The following DENND6B variants were observed in gnomAD, a reference collection of about 807,000 sequenced individuals.
The protein encoded by DENND6B is DENN domain containing 6B.
A neutral mutation model predicts 85.1 loss-of-function variants in DENND6B; 73 were observed. The ratio of observed to expected loss-of-function variants is 0.86; its 90% confidence interval spans 0.71 to 1.04. The LOEUF is 1.04. Among genes scored for constraint, DENND6B ranks in the 50% least tolerant of loss-of-function variants. The pLI, the probability that DENND6B is intolerant of heterozygous loss-of-function variation, is 0.00. For missense variants in DENND6B, 715 were observed against 785.8 expected (o/e 0.91, Z 1.08); for synonymous variants, 357 against 329.3 (o/e 1.08, Z -0.91).
chr22:50,322,660 T>C (rs2042082320), intron 1 of DENND6B, among the ~76,000 whole-genome samples: 1 of 151,732 alleles, frequency 6.6e-6, no homozygotes, highest in Non-Finnish European at 1.5e-5. Context: ...AGCGATTCTC[T>C]TGCCTCAGCC....
chr22:50,313,580 C>G (rs954067109), intron 15 of DENND6B, 55 bp downstream of exon 15: 1 of 1,447,754 alleles, frequency 6.9e-7, no homozygotes. Context: ...CCCCCCAACC[C>G]CATCCCCCCA....
At chr22:50,314,298 C>T in intron 12 of DENND6B, 26 bp from the exon 13 acceptor site, 1 of 1,605,416 alleles carries the variant, frequency 6.2e-7, no homozygotes, top group Non-Finnish European at 8.5e-7. Context: ...GGTGGCCAGG[C>T]CTCAGTGCCC....
intron 18 of DENND6B, 40 bp downstream of exon 18, chr22:50,312,483 C>T: frequency 6.3e-7 from 1 of 1,575,470 alleles, no homozygotes; most frequent in Non-Finnish European, 8.6e-7. Context: ...TGCCCACCCC[C>T]ACCATGTTCT....
Position 50,314,604 on chromosome 22 carries a change from C to CG in DENND6B, c.977dup (p.Pro327ThrfsTer36). 6.4e-7 allele frequency: 1 copy of CG among 1,560,312 alleles called. No individual in the cohort carries two copies. The highest frequency in any genetic ancestry group is 8.7e-7 in the Non-Finnish European group (1 of 1,152,610). On this transcript the variant is annotated frameshift_variant and splice_region_variant. Coordinates refer to ENST00000413817, the MANE Select transcript of DENND6B (RefSeq NM_001001794.4). LOFTEE classifies it high-confidence loss of function. ...AGAGGCGGGGCAGAGGCGGCACTTA[C>CG]GGGGCCTGCGTGCGTGTGGTGAACT...
At chr22:50,322,220 G>A (rs1054373662) in intron 1 of DENND6B, among the ~76,000 whole-genome samples, 2 of 151,880 alleles carry the variant, frequency 1.3e-5, no homozygotes, top group African/African-American at 4.8e-5. Context: ...GACTACAGGC[G>A]CCCGCCACCA....
chr22:50,324,916 C>A (rs117289563), intron 1 of DENND6B, among the ~76,000 whole-genome samples: 1 of 152,172 alleles, frequency 6.6e-6, no homozygotes, highest in Non-Finnish European at 1.5e-5. Flanking sequence ...CCTTCCATAT[C>A]GCAGAACCAA....
intron 1 of DENND6B, among the ~76,000 whole-genome samples, chr22:50,326,366 C>G (rs576904582): frequency 7.9e-4 from 121 of 152,300 alleles, no homozygotes; most frequent in Middle Eastern, 3.4e-3. Flanking sequence ...GTGGGGATGA[C>G]ATCAGTGATG....
intron 5 of DENND6B, 84 bp downstream of exon 5, chr22:50,317,209 C>T: frequency 6.7e-7 from 1 of 1,485,108 alleles, no homozygotes; most frequent in Non-Finnish European, 9.2e-7. Context: ...AGGCTCAGGC[C>T]CCTTGCCCGC....
intron 8 of DENND6B, 77 bp downstream of exon 8, chr22:50,315,948 G>A: frequency 1.2e-6 from 2 of 1,604,818 alleles, no homozygotes; most frequent in South Asian, 1.1e-5. Context: ...AGCAGGTGTG[G>A]GACCACCCGG....
At position 50,322,262 on chromosome 22, in the gene DENND6B, G is replaced by A. The variant is rs187860880; in HGVS notation, c.178-3259C>T. 2.7e-3 allele frequency among the ~76,000 whole-genome samples: 406 copies of A among 152,206 alleles called. 1 individual carries two copies. The highest frequency in any genetic ancestry group is 9.1e-3 in the African/African-American group (380 of 41,536). ...GCTAATTTTTTGTATTTTTAGTAGAGATGGGGTTTCACCGTGTTAGCCAGG... is the reference window on the plus strand; with the variant it reads ...GCTAATTTTTTGTATTTTTAGTAGAAATGGGGTTTCACCGTGTTAGCCAGG... On this transcript the variant is annotated intron_variant, in intron 1 of 19. Coordinates refer to ENST00000413817, the MANE Select transcript of DENND6B (RefSeq NM_001001794.4).
At chr22:50,322,623 C>T (rs1226143331) in intron 1 of DENND6B, among the ~76,000 whole-genome samples, 2 of 152,188 alleles carry the variant, frequency 1.3e-5, no homozygotes, top group East Asian at 3.9e-4. Flanking sequence ...GATCTCCGCT[C>T]ACTGCAACCT....
intron 4 of DENND6B, 106 bp from the exon 5 acceptor site, chr22:50,317,479 C>T: frequency 7.7e-7 from 1 of 1,301,762 alleles, no homozygotes; most frequent in Non-Finnish European, 1.1e-6. Context: ...AGATGGAAGG[C>T]TGGAGAACCA....
At position 50,326,898 on chromosome 22, in the gene DENND6B, G is replaced by A. The variant is rs982510549; in HGVS notation, c.91C>T (p.Pro31Ser). ...GAGAAGCGCGCCCAGGGCGCCGCCG[G>A]GGTCCGCGCCGCGCGACCTGAAGAC... is the stretch of plus-strand genomic sequence containing the variant. ...PTSSGRAART[P>S]AAPWARFSAW... is the part of the protein sequence containing the mutation. Residue 31 changes from proline to serine, a missense_variant, in exon 1 of 20, where the codon CCG becomes TCG. By Grantham distance (74) the Pro-to-Ser change is moderately conservative. Coordinates refer to ENST00000413817, the MANE Select transcript of DENND6B (RefSeq NM_001001794.4). 51 of 1,396,060 alleles carry A rather than the reference G, an allele frequency of 3.7e-5. No individual in the cohort carries two copies. The highest frequency in any genetic ancestry group is 4.3e-5 in the Non-Finnish European group (46 of 1,075,142). 86.5% of individuals were successfully genotyped at this position (1,396,060 alleles called of 1,614,324 possible).
In DENND6B at chr22:50,327,009, G is replaced by A. The variant is rs1338749410; in HGVS notation, c.-21C>T. The A allele has an allele frequency of 9.4e-6, 11 of 1,164,328 alleles. No homozygotes were observed. The highest frequency in any genetic ancestry group is 1.2e-5 in the Non-Finnish European group (11 of 946,172). 72.1% of individuals were successfully genotyped at this position (1,164,328 alleles called of 1,614,324 possible). A position where few individuals can be genotyped will look rare whatever the true frequency, so the allele number is the denominator to read the frequency against. On this transcript the variant is annotated 5_prime_UTR_variant, in exon 1 of 20. Transcript: ENST00000413817. ...TCCATGGCGGCGGCCGCGGGTTGCC[G>A]GGGAAACGCGGGCGGGGGCGGCGCG...
At chr22:50,318,387 G>A (rs941904001) in intron 3 of DENND6B, among the ~76,000 whole-genome samples, 15 of 152,298 alleles carry the variant, frequency 9.8e-5, no homozygotes, top group Middle Eastern at 3.4e-3. Context: ...AGGGGTCTGT[G>A]TTTCCCAATG....
chr22:50,317,472 T>A lies in DENND6B; in HGVS notation c.373-99A>T, dbSNP rs2041890699. The A allele has an allele frequency of 6.7e-6, 9 of 1,345,816 alleles. No individual in the cohort carries two copies. The East Asian group carries it at 2.2e-4, about 33-fold the overall frequency. The allele number at this position is 1,345,816 out of a possible 1,614,324, so 83.4% of individuals were successfully genotyped here. On this transcript the variant is annotated intron_variant, in intron 4 of 19. Transcript: ENST00000413817. Reference sequence around the variant, plus strand: ...AGGAGCATGCAGGGACTGCTGCAGATGGAAGGCTGGAGAACCAGGAGGCTC... The same window carrying A: ...AGGAGCATGCAGGGACTGCTGCAGAAGGAAGGCTGGAGAACCAGGAGGCTC...
chr22:50,314,622 G>C lies in DENND6B; in HGVS notation c.960C>G (p.Thr320=), dbSNP rs757800939. 1.9e-6 allele frequency: 3 copies of C among 1,564,722 alleles called. No homozygotes were observed. The African/African-American group carries it at 4.1e-5, about 21-fold the overall frequency. The part of the protein sequence containing the change: ...TIHDSEFKEF[T]TRTQAPPNVV... ...GCACTTACGGGGCCTGCGTGCGTGT[G>C]GTGAACTCCTTGAACTCGCTGTCAT... Residue 320 remains threonine (T), a synonymous_variant, in exon 11 of 20, where the codon ACC becomes ACG. Coordinates refer to ENST00000413817, the MANE Select transcript of DENND6B (RefSeq NM_001001794.4).
Position 50,326,960 on chromosome 22 carries a change from C to T in DENND6B, c.29G>A (p.Arg10His). The change falls in exon 1 of 20, where the codon CGC (arginine) becomes CAC (histidine). Residue 10 changes from arginine to histidine, a missense_variant. Coordinates refer to ENST00000413817, the MANE Select transcript of DENND6B (RefSeq NM_001001794.4). The part of the protein sequence containing the change: MDALLGTGP[R>H]RARGCLGAAG... Reference sequence around the variant, plus strand: ...CGCGCCCAGGCAGCCGCGAGCCCGGCGAGGCCCTGTGCCCAACAGCGCGTC... The same window carrying T: ...CGCGCCCAGGCAGCCGCGAGCCCGGTGAGGCCCTGTGCCCAACAGCGCGTC... The T allele has an allele frequency of 7.9e-7, 1 of 1,266,348 alleles. No homozygotes were observed. The highest frequency in any genetic ancestry group is 1.6e-5 in the African/African-American group (1 of 63,766). 78.4% of individuals were successfully genotyped at this position (1,266,348 alleles called of 1,614,324 possible).
In DENND6B at chr22:50,317,245, G is replaced by C. The variant is rs1252216882; in HGVS notation, c.453+48C>G. The C allele has an allele frequency of 1.9e-6, 3 of 1,604,194 alleles. No homozygotes were observed. In the East Asian group the frequency reaches 6.7e-5, roughly 36 times the overall value. ...CCACAGCCCCTCCTGCTGCCTGCCA[G>C]CTCCTGCCGCTCTTGAGGTGCCAGC... is the stretch of plus-strand genomic sequence containing the variant. On this transcript the variant is annotated intron_variant, in intron 5 of 19. Coordinates refer to ENST00000413817, the MANE Select transcript of DENND6B (RefSeq NM_001001794.4).
Sources: gnomAD v4.1 joint callset for allele counts (sites outside exome capture counted in the v4.1 genomes callset) on GRCh38, gnomAD v4.1.1 for gene constraint, MANE v1.5 for transcripts, NCBI Gene and HGNC (gene_info 2026-07-23, HGNC 2026-07-21) for gene names.